The following ARHGAP10 variants were observed in gnomAD, a reference collection of about 807,000 sequenced individuals.
ARHGAP10 encodes rho GTPase-activating protein 10.
ARHGAP10 carries 87 observed loss-of-function variants against 108.6 expected under a neutral mutation model. The ratio of observed to expected loss-of-function variants is 0.80; its 90% CI spans 0.67 to 0.96. The LOEUF (loss-of-function observed/expected upper bound fraction) is 0.96, where lower values mean the gene tolerates loss of function less well. Ranked by LOEUF, ARHGAP10 falls within the 40% of genes least tolerant of loss-of-function variation. The pLI, the probability that ARHGAP10 is intolerant of heterozygous loss-of-function variation, is 0.00. For missense variants in ARHGAP10, 939 were observed against 954.5 expected, an observed-to-expected ratio of 0.98 and a Z score of 0.21; for synonymous variants, 347 against 341.1, an observed-to-expected ratio of 1.02 and a Z score of -0.19.
At chr4:147,962,812 C>T (rs764764859) in intron 16 of ARHGAP10, among the ~76,000 whole-genome samples, 27 of 152,018 alleles carry the variant, frequency 1.8e-4, no homozygotes, top group Non-Finnish European at 3.8e-4. Context: ...TACAGGTGCA[C>T]ACCACCACAC....
intron 18 of ARHGAP10, among the ~76,000 whole-genome samples, chr4:147,989,472 A>G (rs891784201): frequency 3.9e-5 from 6 of 152,128 alleles, no homozygotes; most frequent in East Asian, 3.9e-4. Flanking sequence ...CACCTCTGCA[A>G]TCTTGACCAT....
At chr4:147,792,113 A>G (rs564169328) in intron 1 of ARHGAP10, among the ~76,000 whole-genome samples, 1 of 152,352 alleles carries the variant, frequency 6.6e-6, no homozygotes, top group South Asian at 2.1e-4. Context: ...TCGATAGTAC[A>G]CATTGCTTTA....
At chr4:147,947,907 A>T (rs1022494992) in intron 15 of ARHGAP10, among the ~76,000 whole-genome samples, 2 of 149,346 alleles carry the variant, frequency 1.3e-5, no homozygotes, top group African/African-American at 4.9e-5. Context: ...TCAACATTCC[A>T]TCCTTCTTAA....
chr4:148,008,481 G>T, intron 18 of ARHGAP10, among the ~76,000 whole-genome samples: 1 of 151,326 alleles, frequency 6.6e-6, no homozygotes. Flanking sequence ...TGGGGGTGGT[G>T]GTACTGCTGG....
At chr4:147,939,790 C>T in intron 13 of ARHGAP10, 35 bp from the exon 14 acceptor site, 1 of 1,556,984 alleles carries the variant, frequency 6.4e-7, no homozygotes, top group Non-Finnish European at 8.9e-7. Context: ...ATATGATAGT[C>T]TTCTATTTTG....
chr4:147,930,225 T>G (rs1371987540), intron 13 of ARHGAP10, among the ~76,000 whole-genome samples: 1 of 152,212 alleles, frequency 6.6e-6, no homozygotes, highest in Non-Finnish European at 1.5e-5. Context: ...GCAAAATCCT[T>G]TTTAATCATT....
At chr4:147,767,650 G>A (rs954521052) in intron 1 of ARHGAP10, among the ~76,000 whole-genome samples, 1 of 152,074 alleles carries the variant, frequency 6.6e-6, no homozygotes, top group Non-Finnish European at 1.5e-5. Flanking sequence ...CTAGGAGTTC[G>A]AGGCTGTAGG....
chr4:147,743,923 A>C (rs1463740728), intron 1 of ARHGAP10, among the ~76,000 whole-genome samples: 1 of 152,254 alleles, frequency 6.6e-6, no homozygotes, highest in Non-Finnish European at 1.5e-5. Context: ...CGTAGAAAAA[A>C]AATTAAAAAT....
At chr4:147,751,003 C>G (rs1729120931) in intron 1 of ARHGAP10, among the ~76,000 whole-genome samples, 1 of 151,794 alleles carries the variant, frequency 6.6e-6, no homozygotes, top group East Asian at 2.0e-4. Flanking sequence ...CATGGTGAAA[C>G]CCCATCTCTG....
intron 1 of ARHGAP10, among the ~76,000 whole-genome samples, chr4:147,751,334 G>C (rs1729137810): frequency 6.6e-6 from 1 of 151,836 alleles, no homozygotes. Flanking sequence ...GATAATAATG[G>C]TGGTGTTTGT....
At position 148,018,557 on chromosome 4, in the gene ARHGAP10, A is replaced by T. The variant is rs546986569; in HGVS notation, c.1717-4706A>T. Among the ~76,000 whole-genome samples the T allele has an allele frequency of 2.7e-5, 4 of 150,232 alleles. No homozygotes were observed. The South Asian group carries it at 8.5e-4, about 32-fold the overall frequency. On this transcript the variant is annotated intron_variant, in intron 18 of 22. Transcript: ENST00000336498. The stretch of plus-strand genomic sequence containing the variant: ...GGTGTTTCAGAGAGACCATCAGAGC[A>T]TGGCTTTGTATCCACAAAAAAAAAA...
chr4:147,794,570 A>G (rs1731240782), intron 1 of ARHGAP10, among the ~76,000 whole-genome samples: 2 of 152,308 alleles, frequency 1.3e-5, no homozygotes, highest in African/African-American at 2.4e-5. Flanking sequence ...CCCAAGAACC[A>G]TAATCTTGAC....
intron 19 of ARHGAP10, among the ~76,000 whole-genome samples, chr4:148,036,225 A>G (rs966984860): frequency 6.6e-6 from 1 of 152,100 alleles, no homozygotes; most frequent in Non-Finnish European, 1.5e-5. Flanking sequence ...TTTAATTTTT[A>G]TCTTGCTTTG....
rs149951002 is a variant in ARHGAP10, at chr4:147,985,081, A to G, written c.1716+18242A>G. ...TGAGGCAGTGGAGCTGCCTAATCTC[A>G]TCCAGGAGAGTGGGTCCTCCAGGTG... On this transcript the variant is annotated intron_variant, in intron 18 of 22. Transcript: ENST00000336498. Among the ~76,000 whole-genome samples the G allele has an allele frequency of 8.9e-4, 136 of 152,088 alleles. 2 individuals carry two copies. The East Asian group carries it at 0.021, about 24-fold the overall frequency.
At chr4:148,000,564 T>G (rs1447768417) in intron 18 of ARHGAP10, among the ~76,000 whole-genome samples, 1 of 152,222 alleles carries the variant, frequency 6.6e-6, no homozygotes, top group Non-Finnish European at 1.5e-5. Context: ...TGTTCCTATT[T>G]CTCCACCTTC....
chr4:147,889,953 G>A (rs1218712782), intron 10 of ARHGAP10, among the ~76,000 whole-genome samples: 1 of 152,204 alleles, frequency 6.6e-6, no homozygotes, highest in African/African-American at 2.4e-5. Flanking sequence ...CCAGATCACA[G>A]CTGATATAAT....
chr4:147,894,606 A>G (rs906011362), intron 10 of ARHGAP10, among the ~76,000 whole-genome samples: 1 of 151,872 alleles, frequency 6.6e-6, no homozygotes, highest in Non-Finnish European at 1.5e-5. Context: ...ACCAAGAAAT[A>G]TTTTTTTTAC....
intron 1 of ARHGAP10, among the ~76,000 whole-genome samples, chr4:147,819,880 T>A (rs1052519411): frequency 1.9e-4 from 29 of 152,242 alleles, no homozygotes; most frequent in African/African-American, 6.7e-4. Flanking sequence ...ATTTACAGGT[T>A]TGGCTGCTGT....
In ARHGAP10 at chr4:147,785,144, A is replaced by G. The variant is rs1015449035; in HGVS notation, c.155-37583A>G. On this transcript the variant is annotated intron_variant, in intron 1 of 22. Coordinates refer to ENST00000336498, the MANE Select transcript of ARHGAP10 (RefSeq NM_024605.4). ...AGGGAAAGAACAGCTCTGAATATTG[A>G]CTTGTTTAGCTTTCATTAGTACTTA... Among the ~76,000 whole-genome samples, 13 of 149,320 alleles carry G rather than the reference A, an allele frequency of 8.7e-5. No individual in the cohort carries two copies. The East Asian group carries it at 2.2e-3, about 25-fold the overall frequency.
Sources: gnomAD v4.1 joint callset for allele counts (sites outside exome capture counted in the v4.1 genomes callset) on GRCh38, gnomAD v4.1.1 for gene constraint, MANE v1.5 for transcripts, NCBI Gene and HGNC (gene_info 2026-07-23, HGNC 2026-07-21) for gene names.